Variants in SRRM4 observed in about 807,000 individuals in gnomAD.
SRRM4 encodes serine/arginine repetitive matrix protein 4.
SRRM4 carries 33 observed loss-of-function variants against 68.9 expected under a neutral mutation model. The observed-to-expected ratio is 0.48, with a 90% CI of 0.36 to 0.64. SRRM4 has a LOEUF of 0.64. SRRM4 is among the 30% of genes least tolerant of loss of function. The probability of loss-of-function intolerance (pLI) is 0.00; values close to 1 mark genes in which losing one functional copy is unlikely to be tolerated. For synonymous variants in SRRM4, 318 were observed against 318.8 expected (o/e 1.00, Z 0.03); for missense variants, 817 against 827.1 (o/e 0.99, Z 0.15).
intron 1 of SRRM4, among the ~76,000 whole-genome samples, chr12:119,046,968 C>A (rs1348342673): frequency 6.8e-6 from 1 of 146,862 alleles, no homozygotes; most frequent in African/African-American, 2.5e-5. Context: ...GGAGGCGGAG[C>A]TTGCAGTGAG....
Position 119,156,650 on chromosome 12 carries a change from G to T in SRRM4, c.1688G>T (p.Arg563Leu), listed in dbSNP as rs780766753. The change falls in exon 13 of 13, where the codon CGG (arginine) becomes CTG (leucine). Residue 563 changes from arginine (R) to leucine (L), a missense_variant. Coordinates refer to ENST00000267260, the MANE Select transcript of SRRM4 (RefSeq NM_194286.4). ...CGGAGCCGGAGCCGGAGACGGAGCC[G>T]GACCCGCACGAGCAGCAGCTCTAGC... The part of the protein sequence containing the change: ...RSRSRSRRRS[R>L]TRTSSSSSSR... 3 of 1,582,568 alleles carry T rather than the reference G, an allele frequency of 1.9e-6. No homozygotes were observed. In the East Asian group the frequency reaches 7.0e-5, roughly 37 times the overall value.
chr12:119,131,781 A>T (rs1954299430), intron 8 of SRRM4, among the ~76,000 whole-genome samples: 1 of 152,238 alleles, frequency 6.6e-6, no homozygotes, highest in African/African-American at 2.4e-5. Flanking sequence ...TAGACTCTAA[A>T]GAGACAGACG....
At chr12:118,985,113 C>T (rs1953273759) in intron 1 of SRRM4, among the ~76,000 whole-genome samples, 1 of 152,146 alleles carries the variant, frequency 6.6e-6, no homozygotes, top group Non-Finnish European at 1.5e-5. Context: ...TCCATGCCTA[C>T]CCATTTCTCC....
chr12:119,145,666 A>C lies in SRRM4; in HGVS notation c.1057A>C (p.Ser353Arg). 6.6e-7 allele frequency: 1 copy of C among 1,523,266 alleles called. No homozygotes were observed. The allele number at this position is 1,523,266 out of a possible 1,614,324, so 94.4% of individuals were successfully genotyped here. A position where few individuals can be genotyped will look rare whatever the true frequency, so the allele number is the denominator to read the frequency against. The change falls in exon 9 of 13, where the codon AGC becomes CGC. Residue 353 changes from serine (S) to arginine (R), a missense_variant. Transcript: ENST00000267260. Reference sequence around the variant, plus strand: ...CATGTTGGAGAATCTCTCCCCCACCAGCAGGGGCAGAGAGTCAAGGTCAGT... The same window carrying C: ...CATGTTGGAGAATCTCTCCCCCACCCGCAGGGGCAGAGAGTCAAGGTCAGT... The part of the protein sequence containing the change: ...GAMLENLSPT[S>R]RGRESRGFQS...
intron 1 of SRRM4, among the ~76,000 whole-genome samples, chr12:119,099,323 AG>A (rs1377503057): frequency 2.0e-5 from 3 of 152,148 alleles, no homozygotes; most frequent in African/African-American, 7.2e-5. Context: ...TAGTAGAGAA[AG>A]GGTTCTGCCA....
intron 8 of SRRM4, among the ~76,000 whole-genome samples, chr12:119,140,977 T>C (rs918771780): frequency 6.6e-6 from 1 of 152,212 alleles, no homozygotes; most frequent in Non-Finnish European, 1.5e-5. Context: ...AATAATTTTT[T>C]TTGGCTCAGG....
chr12:119,005,167 C>T (rs577033900), intron 1 of SRRM4, among the ~76,000 whole-genome samples: 16 of 152,308 alleles, frequency 1.1e-4, no homozygotes, highest in African/African-American at 3.1e-4. Context: ...GCTTCTGGAG[C>T]TCTCAGCTCA....
At chr12:118,986,155 G>A (rs1224630048) in intron 1 of SRRM4, among the ~76,000 whole-genome samples, 1 of 152,142 alleles carries the variant, frequency 6.6e-6, no homozygotes, top group African/African-American at 2.4e-5. Context: ...TCCCCTCGGT[G>A]CCAAGAGATC....
intron 1 of SRRM4, among the ~76,000 whole-genome samples, chr12:119,080,195 T>G (rs1308993944): frequency 7.5e-6 from 1 of 134,224 alleles, no homozygotes; most frequent in East Asian, 2.1e-4. Context: ...GAAGGGTTGG[T>G]TTTACATCTT....
At chr12:119,150,197 C>A (rs1285626219) in intron 9 of SRRM4, among the ~76,000 whole-genome samples, 1 of 152,202 alleles carries the variant, frequency 6.6e-6, no homozygotes, top group Non-Finnish European at 1.5e-5. Flanking sequence ...CTTGGCCGGG[C>A]ACAGGGGCTC....
At chr12:119,111,667 A>G (rs1043421315) in intron 2 of SRRM4, among the ~76,000 whole-genome samples, 1 of 152,174 alleles carries the variant, frequency 6.6e-6, no homozygotes, top group African/African-American at 2.4e-5. Context: ...AAGAAGCTCA[A>G]TTATTTCATT....
chr12:119,106,204 T>C (rs965685873), intron 2 of SRRM4, among the ~76,000 whole-genome samples: 9 of 152,244 alleles, frequency 5.9e-5, no homozygotes, highest in Non-Finnish European at 8.8e-5. Flanking sequence ...CTGTTTTGGT[T>C]ACTGTAGCCT....
chr12:119,066,488 G>A (rs1304119748), intron 1 of SRRM4, among the ~76,000 whole-genome samples: 1 of 152,158 alleles, frequency 6.6e-6, no homozygotes, highest in African/African-American at 2.4e-5. Context: ...CATCATTTGG[G>A]AGCTTGTTAG....
intron 1 of SRRM4, among the ~76,000 whole-genome samples, chr12:119,046,523 T>C (rs931457957): frequency 3.1e-5 from 1 of 32,316 alleles, no homozygotes; most frequent in African/African-American, 1.9e-4. Context: ...AGACATCTCA[T>C]AAATAATTTT....
intron 1 of SRRM4, among the ~76,000 whole-genome samples, chr12:119,052,156 A>G (rs1953747204): frequency 2.0e-5 from 3 of 152,192 alleles, no homozygotes; most frequent in Admixed American, 2.0e-4. Flanking sequence ...CATCTGCTTG[A>G]TGCCACACTC....
intron 1 of SRRM4, among the ~76,000 whole-genome samples, chr12:119,064,220 C>T (rs1027677284): frequency 1.3e-5 from 2 of 152,162 alleles, no homozygotes; most frequent in Admixed American, 6.5e-5. Flanking sequence ...CTCCCTCATT[C>T]CCAAGGGGTA....
rs147291669 is a variant in SRRM4, at chr12:119,010,710, A to G, written c.131+28697A>G. 1.6e-4 allele frequency among the ~76,000 whole-genome samples: 25 copies of G among 152,362 alleles called. 1 individual carries two copies. Among genetic ancestry groups the G allele is most frequent in the African/African-American group, 5.8e-4 (24 of 41,596 alleles). ...GCTCTTGATGTCAACACTAAAGGAA[A>G]AAGGAGGTGAGTTCAAGAGTGTTTA... On this transcript the variant is annotated intron_variant, in intron 1 of 12. Transcript: ENST00000267260.
chr12:119,024,240 A>G (rs1953533756), intron 1 of SRRM4, among the ~76,000 whole-genome samples: 1 of 152,146 alleles, frequency 6.6e-6, no homozygotes, highest in Non-Finnish European at 1.5e-5. Flanking sequence ...CAACATGTTG[A>G]GGCTGACAAG....
At chr12:119,047,518 T>C (rs934063020) in intron 1 of SRRM4, among the ~76,000 whole-genome samples, 2 of 152,186 alleles carry the variant, frequency 1.3e-5, no homozygotes, top group African/African-American at 4.8e-5. Flanking sequence ...CCAAAGTCCA[T>C]TGAATCATTC....
Sources: allele counts gnomAD v4.1 joint callset (sites outside exome capture counted in the v4.1 genomes callset), GRCh38; gene constraint gnomAD v4.1.1; transcripts MANE v1.5; gene names NCBI Gene and HGNC (gene_info 2026-07-23, HGNC 2026-07-21).